Variants in SOX6 observed in about 807,000 individuals in gnomAD.
SOX6 encodes the protein transcription factor SOX-6.
Under a neutral mutation model 97.8 loss-of-function variants are expected in SOX6, and 11 were observed. The ratio of observed to expected loss-of-function variants is 0.11; its 90% CI spans 0.07 to 0.19. SOX6 has a LOEUF of 0.19. Among genes scored for constraint, SOX6 ranks in the 10% least tolerant of loss-of-function variants. The pLI is 1.00. For missense variants in SOX6, 810 were observed against 1,039.5 expected (o/e 0.78, Z 3.04); for synonymous variants, 360 against 371.4 (o/e 0.97, Z 0.35).
At chr11:16,154,960 G>A (rs1458590035) in intron 6 of SOX6, among the ~76,000 whole-genome samples, 1 of 151,872 alleles carries the variant, frequency 6.6e-6, no homozygotes, top group African/African-American at 2.4e-5. Flanking sequence ...GTAAATTTCC[G>A]GTTTTAAGAC....
chr11:16,212,836 T>C (rs1224888753), intron 4 of SOX6, among the ~76,000 whole-genome samples: 1 of 152,160 alleles, frequency 6.6e-6, no homozygotes, highest in Non-Finnish European at 1.5e-5. Flanking sequence ...AATTGCCTAT[T>C]TAATTTTGAG....
intron 9 of SOX6, among the ~76,000 whole-genome samples, chr11:16,070,027 C>T (rs1199630212): frequency 4.1e-4 from 62 of 151,946 alleles, no homozygotes; most frequent in Admixed American, 3.2e-3. Context: ...TGGTGGCGGG[C>T]GCCTGTAGTC....
Position 16,164,085 on chromosome 11 carries a change from C to G in SOX6, c.777+19801G>C, listed in dbSNP as rs184749996. Among the ~76,000 whole-genome samples the G allele has an allele frequency of 1.6e-4, 24 of 152,238 alleles. No individual in the cohort carries two copies. In the East Asian group the frequency reaches 4.5e-3, roughly 28 times the overall value. ...CACTGCAGCTTCAAACTCCCAGGCT[C>G]AAGTGATCCCACCTCAGCCTACCCA... is the stretch of plus-strand genomic sequence containing the variant. On this transcript the variant is annotated intron_variant, in intron 6 of 15. Transcript: ENST00000683767.
At chr11:16,311,164 T>G (rs886630335) in intron 3 of SOX6, 3 of 152,152 alleles carry the variant, frequency 2.0e-5, no homozygotes, top group African/African-American at 7.2e-5. Context: ...ACATCATTGC[T>G]GCCAAATGCT....
intron 4 of SOX6, among the ~76,000 whole-genome samples, chr11:16,205,743 A>G (rs1852054581): frequency 2.0e-5 from 3 of 152,210 alleles, no homozygotes; most frequent in African/African-American, 4.8e-5. Context: ...AATAAGAGCT[A>G]TTAAAGTACA....
chr11:16,370,899 G>A (rs1279252441), intron 1 of SOX6, among the ~76,000 whole-genome samples: 1 of 151,754 alleles, frequency 6.6e-6, no homozygotes, highest in East Asian at 1.9e-4. Context: ...TCTCACTTAG[G>A]TTACTGTAAT....
chr11:16,022,373 T>TCCTG (rs1485049397), intron 12 of SOX6, among the ~76,000 whole-genome samples: 1 of 132,558 alleles, frequency 7.5e-6, no homozygotes, highest in East Asian at 2.7e-4. Context: ...CTTCCTTCCT[T>TCCTG]CCTCCCTCCC....
chr11:16,706,756 A>G (rs1421904655), intron 3 of SOX6, among the ~76,000 whole-genome samples: 1 of 151,462 alleles, frequency 6.6e-6, no homozygotes, highest in Non-Finnish European at 1.5e-5. Flanking sequence ...TTAAAATGAC[A>G]AATTAGCCAT....
intron 4 of SOX6, among the ~76,000 whole-genome samples, chr11:16,491,576 T>C (rs1860511329): frequency 6.6e-6 from 1 of 152,004 alleles, no homozygotes. Context: ...GAAATTCATA[T>C]GAAAATCCAA....
intron 1 of SOX6, among the ~76,000 whole-genome samples, chr11:16,410,720 C>T (rs574785743): frequency 1.5e-5 from 2 of 137,854 alleles, no homozygotes; most frequent in South Asian, 4.5e-4. Context: ...GATCATGCCA[C>T]TGCACTCTAG....
intron 4 of SOX6, among the ~76,000 whole-genome samples, chr11:16,564,776 A>G (rs1847851405): frequency 6.6e-6 from 1 of 152,096 alleles, no homozygotes; most frequent in South Asian, 2.1e-4. Context: ...AGTGAAAATG[A>G]AAATATATCA....
intron 9 of SOX6, among the ~76,000 whole-genome samples, chr11:16,077,908 C>T (rs764730847): frequency 1.3e-4 from 19 of 151,872 alleles, no homozygotes; most frequent in Non-Finnish European, 2.6e-4. Context: ...ACCCTTGTGA[C>T]ATGCAATCTA....
At chr11:16,529,280 G>A (rs1203728656) in intron 4 of SOX6, among the ~76,000 whole-genome samples, 1 of 152,058 alleles carries the variant, frequency 6.6e-6, no homozygotes. Context: ...ATTAGTTCCT[G>A]AAACAGAAAG....
chr11:16,398,121 G>A (rs10832602), intron 1 of SOX6, among the ~76,000 whole-genome samples: 28,031 of 151,268 alleles, frequency 0.19, 2,970 homozygotes, highest in Admixed American at 0.31. Context: ...ATAGACACCT[G>A]GGCCCCACTT....
At chr11:16,057,287 T>A (rs1165953822) in intron 9 of SOX6, among the ~76,000 whole-genome samples, 2 of 152,178 alleles carry the variant, frequency 1.3e-5, no homozygotes, top group East Asian at 3.8e-4. Context: ...GTGTTTACTG[T>A]TTTATATTAT....
chr11:16,100,024 G>T (rs192391154), intron 7 of SOX6, among the ~76,000 whole-genome samples: 2 of 151,696 alleles, frequency 1.3e-5, no homozygotes, highest in East Asian at 3.9e-4. Context: ...AGGGGTAGAA[G>T]ATGAGGGAGA....
chr11:16,439,470 A>G (rs538072731), intron 1 of SOX6, among the ~76,000 whole-genome samples: 8 of 152,326 alleles, frequency 5.3e-5, no homozygotes, highest in African/African-American at 1.4e-4. Flanking sequence ...AGAAATGTAT[A>G]TAATAGCTAG....
chr11:16,212,453 C>A (rs978815825), intron 4 of SOX6, among the ~76,000 whole-genome samples: 14 of 151,432 alleles, frequency 9.2e-5, no homozygotes, highest in African/African-American at 3.4e-4. Flanking sequence ...TTATGTCTTT[C>A]ATTTAATATT....
chr11:16,662,066 TA>T (rs1847769937), intron 3 of SOX6, among the ~76,000 whole-genome samples: 1 of 152,158 alleles, frequency 6.6e-6, no homozygotes, highest in Admixed American at 6.5e-5. Context: ...ATAAGAAAAA[TA>T]AAAGGTTTTA....
Sources: gnomAD v4.1 joint callset for allele counts (sites outside exome capture counted in the v4.1 genomes callset) on GRCh38, gnomAD v4.1.1 for gene constraint, MANE v1.5 for transcripts, NCBI Gene and HGNC (gene_info 2026-07-23, HGNC 2026-07-21) for gene names.